Variants in ELAPOR2 observed in about 807,000 individuals in gnomAD.
ELAPOR2 encodes the protein endosome-lysosome associated apoptosis and autophagy regulator family member 2.
ELAPOR2 carries 89 observed loss-of-function variants against 120.7 expected under a neutral mutation model. The observed-to-expected ratio is 0.74, with a 90% CI of 0.62 to 0.88. The LOEUF (loss-of-function observed/expected upper bound fraction) is 0.88. Ranked by LOEUF, ELAPOR2 falls within the 40% of genes least tolerant of loss-of-function variation. The pLI, the probability that ELAPOR2 is intolerant of heterozygous loss-of-function variation, is 0.00. For missense variants in ELAPOR2, 1,134 were observed against 1,251.6 expected (o/e 0.91, Z 1.42); for synonymous variants, 444 against 444.9 (o/e 1.00, Z 0.03).
intron 1 of ELAPOR2, among the ~76,000 whole-genome samples, chr7:87,056,112 A>C (rs1795254141): frequency 6.6e-6 from 1 of 152,148 alleles, no homozygotes; most frequent in Non-Finnish European, 1.5e-5. Flanking sequence ...TTATTCACTG[A>C]GTCAAAAATG....
intron 19 of ELAPOR2, among the ~76,000 whole-genome samples, chr7:86,897,172 G>T (rs138347518): frequency 1.3e-5 from 2 of 151,996 alleles, no homozygotes; most frequent in African/African-American, 4.8e-5. Context: ...GCTTCTTATA[G>T]TGAGTCAGTT....
intron 12 of ELAPOR2, 122 bp downstream of exon 12, chr7:86,918,320 T>C (rs35612661): frequency 2.2e-6 from 1 of 448,820 alleles, no homozygotes; most frequent in Non-Finnish European, 3.7e-6. Context: ...GTGCTAAGAA[T>C]AGCAAAAAAA....
chr7:86,968,915 T>A (rs1447004135), intron 1 of ELAPOR2, among the ~76,000 whole-genome samples: 1 of 152,204 alleles, frequency 6.6e-6, no homozygotes, highest in African/African-American at 2.4e-5. Flanking sequence ...AAGCACAGAA[T>A]GCTGGGGTGT....
At chr7:87,029,353 G>A (rs989310703) in intron 1 of ELAPOR2, among the ~76,000 whole-genome samples, 22 of 152,168 alleles carry the variant, frequency 1.4e-4, no homozygotes, top group Non-Finnish European at 2.5e-4. Flanking sequence ...TCTTAACCCT[G>A]GCTATGCACT....
intron 1 of ELAPOR2, among the ~76,000 whole-genome samples, chr7:87,016,353 A>T (rs1016387718): frequency 1.4e-4 from 22 of 151,870 alleles, no homozygotes; most frequent in Admixed American, 6.6e-4. Flanking sequence ...CATCTCAAAA[A>T]ATATATATAT....
chr7:87,059,650 G>C lies in ELAPOR2; in HGVS notation c.-137C>G, dbSNP rs953388246. The stretch of plus-strand genomic sequence containing the variant: ...CCCGCTGCCCGTCCGCCCGCTGACA[G>C]CTCTGCTGCGCTCGCGGCCCGGGCA... On this transcript the variant is annotated 5_prime_UTR_variant, in exon 1 of 22. Transcript: ENST00000450689. 3.5e-5 allele frequency: 34 copies of C among 967,700 alleles called. No individual in the cohort carries two copies. The highest frequency in any genetic ancestry group is 4.2e-5 in the Non-Finnish European group (33 of 792,200). The allele number at this position is 967,700 out of a possible 1,614,324, so 59.9% of individuals were successfully genotyped here.
At chr7:86,902,468 G>A (rs1044852827) in intron 18 of ELAPOR2, among the ~76,000 whole-genome samples, 2 of 152,278 alleles carry the variant, frequency 1.3e-5, no homozygotes, top group Admixed American at 6.5e-5. Flanking sequence ...AAGCCACTGC[G>A]CCAGGCCTGG....
intron 1 of ELAPOR2, among the ~76,000 whole-genome samples, chr7:87,023,654 G>T (rs1794140064): frequency 6.6e-6 from 1 of 152,084 alleles, no homozygotes; most frequent in African/African-American, 2.4e-5. Context: ...ATTACCTTGG[G>T]CAGTATGGCC....
chr7:86,912,095 T>C lies in ELAPOR2; in HGVS notation c.2146A>G (p.Asn716Asp). Residue 716 changes from asparagine to aspartate, a missense_variant, in exon 15 of 22, where the codon AAT becomes GAT. Transcript: ENST00000450689. Reference sequence around the variant, plus strand: ...ACCTCATGCCCACATAAACTGATATTGAAGAAATGGAAGTATTTTGTTCCT... The same window carrying C: ...ACCTCATGCCCACATAAACTGATATCGAAGAAATGGAAGTATTTTGTTCCT... ...SKGTKYFHFF[N>D]ISLCGHEGKK... The C allele has an allele frequency of 6.2e-7, 1 of 1,610,192 alleles. No individual in the cohort carries two copies.
At chr7:86,959,995 A>G (rs1367627372) in intron 2 of ELAPOR2, among the ~76,000 whole-genome samples, 1 of 152,006 alleles carries the variant, frequency 6.6e-6, no homozygotes, top group Non-Finnish European at 1.5e-5. Flanking sequence ...TTTAATTTCC[A>G]TGTATTTATC....
chr7:86,913,328 G>T, intron 13 of ELAPOR2, 124 bp from the exon 14 acceptor site: 1 of 901,392 alleles, frequency 1.1e-6, no homozygotes, highest in Non-Finnish European at 1.7e-6. Flanking sequence ...GTTTGTAATT[G>T]ACAATAGATT....
At chr7:86,940,286 TAAAAG>T (rs1248778088) in intron 5 of ELAPOR2, among the ~76,000 whole-genome samples, 171 bp from the exon 6 acceptor site, 1 of 151,922 alleles carries the variant, frequency 6.6e-6, no homozygotes, top group African/African-American at 2.4e-5. Context: ...TACACTTTCT[TAAAAG>T]AAAAAAAATG....
At chr7:87,036,437 T>C (rs985214914) in intron 1 of ELAPOR2, among the ~76,000 whole-genome samples, 3 of 152,322 alleles carry the variant, frequency 2.0e-5, no homozygotes, top group Admixed American at 6.5e-5. Context: ...TGAGCTGTTA[T>C]TGTACCACTG....
chr7:86,914,261 T>C (rs1789458263), intron 13 of ELAPOR2, among the ~76,000 whole-genome samples: 1 of 152,114 alleles, frequency 6.6e-6, no homozygotes, highest in Admixed American at 6.6e-5. Flanking sequence ...TTTTGTGTGT[T>C]AACTCAATGG....
chr7:86,971,093 G>T (rs1226014788), intron 1 of ELAPOR2, among the ~76,000 whole-genome samples: 1 of 151,898 alleles, frequency 6.6e-6, no homozygotes, highest in Non-Finnish European at 1.5e-5. Flanking sequence ...TCTTTCTATG[G>T]CTCTCAATCG....
intron 21 of ELAPOR2, among the ~76,000 whole-genome samples, chr7:86,886,075 A>C (rs1335432061): frequency 1.3e-5 from 2 of 152,128 alleles, no homozygotes; most frequent in African/African-American, 4.8e-5. Flanking sequence ...AGAAGTCTCC[A>C]TATCAACAGC....
In ELAPOR2 at chr7:86,945,056, C is replaced by G; in HGVS notation, c.507-10G>C. On this transcript the variant is annotated splice_polypyrimidine_tract_variant and intron_variant, in intron 3 of 21. Transcript: ENST00000450689. ...AGGGATCCAAGAAGAGCTGTGGAAA[C>G]AAAACCAAGAAGCACTTTACATTAA... 4 of 1,546,072 alleles carry G rather than the reference C, an allele frequency of 2.6e-6. No individual in the cohort carries two copies. Among genetic ancestry groups the G allele is most frequent in the Non-Finnish European group, 3.5e-6 (4 of 1,145,456 alleles).
chr7:87,030,953 T>C (rs960638881), intron 1 of ELAPOR2, among the ~76,000 whole-genome samples: 3 of 152,178 alleles, frequency 2.0e-5, no homozygotes, highest in Non-Finnish European at 4.4e-5. Context: ...ACATTTTACA[T>C]GGTGGCAGAC....
chr7:86,944,988 A>ACAC lies in ELAPOR2; in HGVS notation c.562_564dup (p.Val188dup). The ACAC allele has an allele frequency of 1.3e-6, 2 of 1,551,010 alleles. No homozygotes were observed. Among genetic ancestry groups the ACAC allele is most frequent in the Non-Finnish European group, 1.7e-6 (2 of 1,146,634 alleles). On this transcript the variant is annotated inframe_insertion, in exon 4 of 22. Coordinates refer to ENST00000450689, the MANE Select transcript of ELAPOR2 (RefSeq NM_001142749.3). ...TTAAGGTGCACAGCATAGATCAAAG[A>ACAC]CACCGTGCAGTCATCACGATTAGAT...
Sources: allele counts gnomAD v4.1 joint callset (sites outside exome capture counted in the v4.1 genomes callset), GRCh38; gene constraint gnomAD v4.1.1; transcripts MANE v1.5; gene names NCBI Gene and HGNC (gene_info 2026-07-23, HGNC 2026-07-21).